ZNF624: variants seen among roughly 807,000 people sequenced by gnomAD.
ZNF624 encodes the protein zinc finger protein 624.
A neutral mutation model predicts 74.7 loss-of-function variants in ZNF624; 43 were observed. The observed-to-expected ratio is 0.58, with a 90% CI of 0.45 to 0.74. The LOEUF (loss-of-function observed/expected upper bound fraction) is 0.74. Ranked by LOEUF, ZNF624 falls within the 30% of genes least tolerant of loss-of-function variation. The pLI is 0.00. For missense variants in ZNF624, 820 were observed against 1,030.0 expected (o/e 0.80, Z 2.79); for synonymous variants, 331 against 341.3 (o/e 0.97, Z 0.33).
Position 16,623,840 on chromosome 17 carries a change from A to T in ZNF624, c.1046T>A (p.Val349Glu), listed in dbSNP as rs757248807. The T allele has an allele frequency of 6.2e-7, 1 of 1,613,912 alleles. No individual in the cohort carries two copies. The highest frequency in any genetic ancestry group is 8.5e-7 in the Non-Finnish European group (1 of 1,179,970). The stretch of plus-strand genomic sequence containing the variant: ...CTCTTTAGTGTGAATTCTCTGATGT[A>T]CCATAAGTGATGAAGAAGCAATGAA... Reference protein sequence around the residue: ...KAFIASSSLMVHQRIHTKEKP... With the variant: ...KAFIASSSLMEHQRIHTKEKP... Residue 349 changes from valine to glutamate, a missense_variant, in exon 6 of 6, where the codon GTA (valine) becomes GAA (glutamate). By Grantham distance (121) the Val-to-Glu change is moderately radical. Transcript: ENST00000311331. This position sits in a 1 kb window ranked among gnomAD's most constrained non-coding sequence, Gnocchi z 5.3.
downstream of ZNF624, chr17:16,617,381 C>T (rs1423407143): frequency 1.9e-6 from 3 of 1,613,388 alleles, no homozygotes; most frequent in Non-Finnish European, 2.5e-6. Flanking sequence ...ATTTCTGTGC[C>T]ATCCAGTTTG....
rs748562911 is a variant in ZNF624 at position 16,622,833 on chromosome 17, C to T, written c.2053G>A (p.Val685Met). 7 of 1,613,726 alleles carry T rather than the reference C, an allele frequency of 4.3e-6. No homozygotes were observed. Among genetic ancestry groups the T allele is most frequent in the South Asian group, 3.3e-5 (3 of 91,060 alleles). The change falls in exon 6 of 6, where the codon GTG (valine) becomes ATG (methionine). Residue 685 changes from valine (V) to methionine (M), a missense_variant. Transcript: ENST00000311331. ...TCTCCAGTATGCCTTCGTTGGTGCA[C>T]GGTAAGCTGTGATGTATTAGTGAAG... ...KAFTNTSQLTVHQRRHTGEKP... is the reference protein window; with the variant it reads ...KAFTNTSQLTMHQRRHTGEKP...
chr17:16,615,344 G>A, the ZNF624 span, among the ~76,000 whole-genome samples: 10 of 152,174 alleles, frequency 6.6e-5, no homozygotes, highest in East Asian at 5.8e-4. Flanking sequence ...TGGTCTGCCC[G>A]CCTCGGCCTC....
chr17:16,623,608 C>T lies in ZNF624; in HGVS notation c.1278G>A (p.Arg426=). The change falls in exon 6 of 6, where the codon AGG becomes AGA. Residue 426 remains arginine (R), a synonymous_variant. Transcript: ENST00000311331. This position sits in a 1 kb window ranked among gnomAD's most constrained non-coding sequence, Gnocchi z 5.3. The part of the protein sequence containing the change: ...YKCDDCGKAF[R]NKSYLSVHQK... ...GATGTACACTAAGATATGACTTGTTCCTAAAGGCTTTCCCACAATCATCAC... is the reference window on the plus strand; with the variant it reads ...GATGTACACTAAGATATGACTTGTTTCTAAAGGCTTTCCCACAATCATCAC... The T allele has an allele frequency of 2.5e-6, 4 of 1,611,602 alleles. No homozygotes were observed. The highest frequency in any genetic ancestry group is 3.4e-6 in the Non-Finnish European group (4 of 1,179,238).
intron 1 of ZNF624, among the ~76,000 whole-genome samples, chr17:16,650,567 T>C (rs768278270): frequency 6.6e-6 from 1 of 152,150 alleles, no homozygotes; most frequent in Non-Finnish European, 1.5e-5. Context: ...CCAGGGATGC[T>C]TGGGCCCTGC....
At position 16,623,657 on chromosome 17, in the gene ZNF624, TGA is replaced by T. The variant is rs1908986655; in HGVS notation, c.1227_1228del (p.His410GlnfsTer3). On this transcript the variant is annotated frameshift_variant, in exon 6 of 6. Transcript: ENST00000311331. LOFTEE classifies it high-confidence loss of function. The surrounding 1 kb of genome is among the most constrained non-coding windows in gnomAD (Gnocchi z 5.3). ...ACATTTGTAGGGTTTCTCACCATTG[TGA>T]GTTTCCTGATGTCTTGCAAGTTTTG... 1.2e-6 allele frequency: 2 copies of T among 1,609,586 alleles called. No homozygotes were observed. Among genetic ancestry groups the T allele is most frequent in the Non-Finnish European group, 8.5e-7 (1 of 1,178,594 alleles).
Position 16,623,988 on chromosome 17 carries a change from T to C in ZNF624, c.898A>G (p.Lys300Glu). ...TCATTACATTCATAAGGTTTTTCTT[T>C]AGTATGAGTTCTTTGATGTTGAATG... is the stretch of plus-strand genomic sequence containing the variant. ...LLIQHQRTHT[K>E]EKPYECNECG... The change falls in exon 6 of 6, where the codon AAA becomes GAA. Residue 300 changes from lysine to glutamate, a missense_variant. By Grantham distance (56) the Lys-to-Glu change is moderately conservative. Coordinates refer to ENST00000311331, the MANE Select transcript of ZNF624 (RefSeq NM_020787.4). This position sits in a 1 kb window ranked among gnomAD's most constrained non-coding sequence, Gnocchi z 5.3. The C allele has an allele frequency of 1.9e-6, 3 of 1,613,974 alleles. No individual in the cohort carries two copies. The highest frequency in any genetic ancestry group is 2.5e-6 in the Non-Finnish European group (3 of 1,180,016).
chr17:16,653,104 T>A (rs1207893551), intron 1 of ZNF624, among the ~76,000 whole-genome samples: 5 of 152,242 alleles, frequency 3.3e-5, no homozygotes, highest in African/African-American at 1.2e-4. Context: ...AGGGTCCATG[T>A]TTTTGCTGAG....
chr17:16,637,867 G>A lies in ZNF624; in HGVS notation c.154-3111C>T, dbSNP rs1328442213. ...GCAACAAAAGCCAAAATTGACAAAT[G>A]GGATCTAATTCAACTAAAGAGCTTC... On this transcript the variant is annotated intron_variant, in intron 3 of 5. Coordinates refer to ENST00000311331, the MANE Select transcript of ZNF624 (RefSeq NM_020787.4). Among the ~76,000 whole-genome samples the A allele has an allele frequency of 4.6e-5, 7 of 152,182 alleles. No homozygotes were observed. The East Asian group carries it at 1.2e-3, about 25-fold the overall frequency.
intron 5 of ZNF624, chr17:16,631,864 G>A (rs1022336773): frequency 1.3e-5 from 2 of 152,118 alleles, no homozygotes; most frequent in South Asian, 2.1e-4. Context: ...ATGATAAACC[G>A]ATAGTATGCC....
chr17:16,622,189 T>C lies in ZNF624; in HGVS notation c.*99A>G. 1 of 903,538 alleles carries C rather than the reference T, an allele frequency of 1.1e-6. No individual in the cohort carries two copies. The highest frequency in any genetic ancestry group is 1.6e-6 in the Non-Finnish European group (1 of 628,670). The allele number at this position is 903,538 out of a possible 1,614,324, so 56.0% of individuals were successfully genotyped here. A position where few individuals can be genotyped will look rare whatever the true frequency, so the allele number is the denominator to read the frequency against. ...TTGCTTATAGTTTCTCTGTATACTT[T>C]CTGATAAATTCCTAATGAAGATTTT... On this transcript the variant is annotated 3_prime_UTR_variant, in exon 6 of 6. Coordinates refer to ENST00000311331, the MANE Select transcript of ZNF624 (RefSeq NM_020787.4).
intron 2 of ZNF624, among the ~76,000 whole-genome samples, chr17:16,647,610 G>T (rs1244377136): frequency 1.3e-5 from 2 of 152,094 alleles, no homozygotes; most frequent in Non-Finnish European, 2.9e-5. Context: ...GATTGAAAAA[G>T]ATATAACTGC....
At chr17:16,626,727 G>T (rs909945851) in intron 5 of ZNF624, among the ~76,000 whole-genome samples, 4 of 152,168 alleles carry the variant, frequency 2.6e-5, no homozygotes, top group Admixed American at 2.6e-4. Context: ...ACTACAGCCT[G>T]GGTGACAAAG....
At chr17:16,647,848 C>G (rs1909630389) in intron 2 of ZNF624, among the ~76,000 whole-genome samples, 1 of 152,156 alleles carries the variant, frequency 6.6e-6, no homozygotes, top group South Asian at 2.1e-4. Flanking sequence ...GGAAATATTT[C>G]AGCAACCTCT....
downstream of ZNF624, chr17:16,617,880 A>C (rs965503020): frequency 6.3e-7 from 1 of 1,594,366 alleles, no homozygotes; most frequent in Non-Finnish European, 8.6e-7. Flanking sequence ...GACGCGCGGC[A>C]TGTCCGTGGC....
chr17:16,649,329 A>G (rs1219236243), intron 2 of ZNF624, among the ~76,000 whole-genome samples: 2 of 152,194 alleles, frequency 1.3e-5, no homozygotes, highest in Non-Finnish European at 1.5e-5. Flanking sequence ...AAATTTTCCA[A>G]TTGAAAAATA....
At chr17:16,630,309 C>T (rs187379119) in intron 5 of ZNF624, among the ~76,000 whole-genome samples, 341 of 152,034 alleles carry the variant, frequency 2.2e-3, no homozygotes, top group African/African-American at 7.4e-3. Flanking sequence ...GTAATCCCAG[C>T]GCTTTGGGAG....
intron 5 of ZNF624, among the ~76,000 whole-genome samples, chr17:16,633,307 T>A (rs1183989600): frequency 6.6e-6 from 1 of 152,238 alleles, no homozygotes; most frequent in Non-Finnish European, 1.5e-5. Context: ...ATAATATTGA[T>A]TAAATACATC....
downstream of ZNF624, among the ~76,000 whole-genome samples, chr17:16,618,781 CCTTA>C (rs1187866453): frequency 2.5e-5 from 3 of 117,710 alleles, no homozygotes; most frequent in African/African-American, 4.5e-5. Context: ...ATTTTCTCTC[CCTTA>C]TTTTCTTAAT....
Sources: allele counts gnomAD v4.1 joint callset (sites outside exome capture counted in the v4.1 genomes callset), GRCh38; gene constraint gnomAD v4.1.1; non-coding constraint Gnocchi (gnomAD v3.1); transcripts MANE v1.5; gene names NCBI Gene and HGNC (gene_info 2026-07-23, HGNC 2026-07-21).